Variants in RTTN observed in about 807,000 individuals in gnomAD.
RTTN encodes rotatin.
Under a neutral mutation model 269.2 loss-of-function variants are expected in RTTN, and 182 were observed. The observed-to-expected ratio is 0.68, with a 90% CI of 0.60 to 0.76. The LOEUF is 0.76. Among genes scored for constraint, RTTN ranks in the 30% least tolerant of loss-of-function variants. RTTN has a pLI of 0.00. For synonymous variants in RTTN, 1,006 were observed against 963.5 expected (o/e 1.04, Z -0.82); for missense variants, 2,545 against 2,608.6 (o/e 0.98, Z 0.53).
chr18:70,090,944 G>A (rs1424240986), intron 30 of RTTN, among the ~76,000 whole-genome samples: 2 of 152,134 alleles, frequency 1.3e-5, no homozygotes, highest in African/African-American at 2.4e-5. Context: ...GCTAGGCTTT[G>A]GACTTGCTTG....
intron 32 of RTTN, among the ~76,000 whole-genome samples, chr18:70,081,159 T>C (rs2058557392): frequency 6.6e-6 from 1 of 152,026 alleles, no homozygotes; most frequent in Non-Finnish European, 1.5e-5. Context: ...ACAACGGACT[T>C]TGGGGACTTG....
chr18:70,101,009 G>A (rs1180882257), intron 28 of RTTN, among the ~76,000 whole-genome samples: 1 of 152,192 alleles, frequency 6.6e-6, no homozygotes, highest in Non-Finnish European at 1.5e-5. Flanking sequence ...TTGCACTGAT[G>A]TTCATCAGGG....
rs377260357 is a variant in RTTN at position 70,177,303 on chromosome 18, TTGA to T, written c.1306-461_1306-459del. Among the ~76,000 whole-genome samples the T allele has an allele frequency of 5.0e-4, 76 of 152,256 alleles. No homozygotes were observed. The East Asian group carries it at 0.012, about 23-fold the overall frequency. ...AGACATGATGATCTCTGTCCTCAAA[TTGA>T]TACCAACATTTCTAAAGAAATGCAT... On this transcript the variant is annotated intron_variant, in intron 10 of 48. Transcript: ENST00000640769.
chr18:70,135,025 T>A (rs1324966013), intron 22 of RTTN, among the ~76,000 whole-genome samples, 159 bp downstream of exon 22: 2 of 152,206 alleles, frequency 1.3e-5, no homozygotes, highest in Non-Finnish European at 2.9e-5. Flanking sequence ...AATAGGCTTT[T>A]GAATACTGTT....
chr18:70,184,444 A>C (rs1160692840), intron 10 of RTTN, among the ~76,000 whole-genome samples: 1 of 152,142 alleles, frequency 6.6e-6, no homozygotes, highest in East Asian at 1.9e-4. Context: ...GCTACTTGGG[A>C]GGCTGAAGCT....
In RTTN at chr18:70,110,256, T is replaced by C. The variant is rs1345872284; in HGVS notation, c.3684-539A>G. ...CTTTTTAAAAAAAAAAAAAAAAAGG[T>C]TGGGGGGATTGCTGGCAAGATGGTC... On this transcript the variant is annotated intron_variant, in intron 27 of 48. Transcript: ENST00000640769. 2.8e-5 allele frequency among the ~76,000 whole-genome samples: 4 copies of C among 143,858 alleles called. No homozygotes were observed. In the South Asian group the frequency reaches 6.6e-4, roughly 24 times the overall value. 94.4% of individuals were successfully genotyped at this position (143,858 alleles called of 152,430 possible).
chr18:70,099,540 C>A (rs964270582), intron 28 of RTTN, among the ~76,000 whole-genome samples: 16 of 152,128 alleles, frequency 1.1e-4, no homozygotes, highest in Admixed American at 9.8e-4. Context: ...TGCCTGTTCA[C>A]TCTGATGGTA....
At chr18:70,114,015 AT>A (rs1404280975) in intron 27 of RTTN, among the ~76,000 whole-genome samples, 1 of 152,208 alleles carries the variant, frequency 6.6e-6, no homozygotes, top group Non-Finnish European at 1.5e-5. Context: ...TCAAATGTAC[AT>A]TTTAAAATGG....
Position 70,030,074 on chromosome 18 carries a change from G to A in RTTN, c.5683C>T (p.His1895Tyr). The A allele has an allele frequency of 1.9e-6, 3 of 1,612,596 alleles. No homozygotes were observed. Among genetic ancestry groups the A allele is most frequent in the Non-Finnish European group, 2.5e-6 (3 of 1,179,496 alleles). The part of the protein sequence containing the change: ...LIDNCMEQMK[H>Y]INAQLNLDSL... Reference sequence around the variant, plus strand: ...TCTAGGTTCAGTTGTGCATTTATGTGTTTCATCTGCTCCATGCAATTGTCT... The same window carrying A: ...TCTAGGTTCAGTTGTGCATTTATGTATTTCATCTGCTCCATGCAATTGTCT... The change falls in exon 42 of 49, where the codon CAC (histidine) becomes TAC (tyrosine). Residue 1895 changes from histidine to tyrosine, a missense_variant. By Grantham distance (83) the His-to-Tyr change is moderately conservative. Transcript: ENST00000640769.
chr18:70,062,943 A>C lies in RTTN; in HGVS notation c.4747+2886T>G, dbSNP rs76429721. Reference sequence around the variant, plus strand: ...ATTTTAAAAATAAATTTTATTTATAAGTAATTTTGTTATATGTTTATCATT... The same window carrying C: ...ATTTTAAAAATAAATTTTATTTATACGTAATTTTGTTATATGTTTATCATT... On this transcript the variant is annotated intron_variant, in intron 35 of 48. Coordinates refer to ENST00000640769, the MANE Select transcript of RTTN (RefSeq NM_173630.4). Among the ~76,000 whole-genome samples, 47 of 152,262 alleles carry C rather than the reference A, an allele frequency of 3.1e-4. No individual in the cohort carries two copies. In the East Asian group the frequency reaches 8.9e-3, roughly 29 times the overall value.
intron 14 of RTTN, among the ~76,000 whole-genome samples, chr18:70,163,069 TAAAAAAAAAAAAA>T (rs10559303): frequency 2.1e-4 from 12 of 56,984 alleles, no homozygotes; most frequent in East Asian, 1.9e-3. Context: ...TTACTATTAT[TAAAAAAAAAAAAA>T]AAAAAAAAAA....
At chr18:70,119,021 C>T (rs2059669167) in intron 26 of RTTN, among the ~76,000 whole-genome samples, 1 of 152,092 alleles carries the variant, frequency 6.6e-6, no homozygotes, top group Non-Finnish European at 1.5e-5. Context: ...AGATCAGGAA[C>T]AAGACAAGGA....
chr18:70,187,151 G>T (rs2061566104), intron 10 of RTTN, among the ~76,000 whole-genome samples: 1 of 152,044 alleles, frequency 6.6e-6, no homozygotes, highest in Non-Finnish European at 1.5e-5. Context: ...AAGAGACTAG[G>T]TTAACAAATA....
At chr18:70,060,344 C>G (rs1290135050) in intron 35 of RTTN, among the ~76,000 whole-genome samples, 1 of 152,180 alleles carries the variant, frequency 6.6e-6, no homozygotes, top group African/African-American at 2.4e-5. Context: ...TATTCAGACA[C>G]TGAGAACAAA....
intron 40 of RTTN, among the ~76,000 whole-genome samples, chr18:70,047,308 T>C (rs146715618): frequency 6.6e-6 from 1 of 152,174 alleles, no homozygotes; most frequent in Non-Finnish European, 1.5e-5. Flanking sequence ...TCTAAAAATA[T>C]TCCTATTTGT....
chr18:70,163,777 A>G (rs1299432646), intron 14 of RTTN, among the ~76,000 whole-genome samples: 1 of 152,172 alleles, frequency 6.6e-6, no homozygotes, highest in African/African-American at 2.4e-5. Flanking sequence ...CATTTCCTTT[A>G]AGTGTCATTT....
chr18:70,144,697 C>T (rs1055144340), intron 18 of RTTN, among the ~76,000 whole-genome samples: 2 of 152,128 alleles, frequency 1.3e-5, no homozygotes, highest in African/African-American at 4.8e-5. Context: ...CCAGTGAAGA[C>T]TCTCCAATCC....
At chr18:70,096,055 A>G (rs2058995213) in intron 28 of RTTN, among the ~76,000 whole-genome samples, 2 of 150,176 alleles carry the variant, frequency 1.3e-5, no homozygotes, top group South Asian at 2.1e-4. Context: ...TTGATCTTCA[A>G]TCTCTGATAT....
chr18:70,021,635 GA>G (rs1262721406), intron 44 of RTTN, among the ~76,000 whole-genome samples: 1 of 152,180 alleles, frequency 6.6e-6, no homozygotes, highest in African/African-American at 2.4e-5. Context: ...AAGGAATGGA[GA>G]AAGTTAACAG....
Sources: gnomAD v4.1 joint callset for allele counts (sites outside exome capture counted in the v4.1 genomes callset) on GRCh38, gnomAD v4.1.1 for gene constraint, MANE v1.5 for transcripts, NCBI Gene and HGNC (gene_info 2026-07-23, HGNC 2026-07-21) for gene names.